The following TOP2B variants were observed in gnomAD, a reference collection of about 807,000 sequenced individuals.
The protein encoded by TOP2B is DNA topoisomerase 2-beta.
TOP2B carries 51 observed loss-of-function variants against 193.5 expected under a neutral mutation model. The observed-to-expected ratio is 0.26, with a 90% CI of 0.21 to 0.33. The LOEUF (loss-of-function observed/expected upper bound fraction) is 0.33, where lower values mean the gene tolerates loss of function less well. Among genes scored for constraint, TOP2B ranks in the 10% least tolerant of loss-of-function variants. The pLI, the probability that TOP2B is intolerant of heterozygous loss-of-function variation, is 1.00. For missense variants in TOP2B, 1,378 were observed against 1,909.3 expected, an observed-to-expected ratio of 0.72 and a Z score of 5.19; for synonymous variants, 634 against 635.7, an observed-to-expected ratio of 1.00 and a Z score of 0.04.
At chr3:25,615,165 A>T in intron 27 of TOP2B, 40 bp downstream of exon 27, 4 of 1,539,656 alleles carry the variant, frequency 2.6e-6, no homozygotes, top group Non-Finnish European at 3.6e-6. Context: ...GTTCATAAAC[A>T]TGACTTTTCC....
At chr3:25,627,132 G>T in intron 16 of TOP2B, 55 bp downstream of exon 16, 2 of 1,239,992 alleles carry the variant, frequency 1.6e-6, no homozygotes, top group African/African-American at 1.5e-5. Context: ...GGGAGGAAAG[G>T]AATAGAAGGT....
At chr3:25,613,670 A>G (rs768918682) in intron 27 of TOP2B, among the ~76,000 whole-genome samples, 3 of 151,948 alleles carry the variant, frequency 2.0e-5, no homozygotes, top group Non-Finnish European at 4.4e-5. Flanking sequence ...TGAGGCTGCA[A>G]TGAGCCATGA....
Position 25,633,956 on chromosome 3 carries a change from C to T in TOP2B, c.911G>A (p.Gly304Glu), listed in dbSNP as rs1391533191. ...CTCATGAATAACTTTCAGGGCCACC[C>T]CAGTTTCATCCAATTTGTCTTTCAC... ...LYVKDKLDETGVALKVIHELA... is the reference protein window; with the variant it reads ...LYVKDKLDETEVALKVIHELA... The change falls in exon 8 of 36, where the codon GGG (glycine) becomes GAG (glutamate). Residue 304 changes from glycine (G) to glutamate (E), a missense_variant. Coordinates refer to ENST00000264331, the MANE Select transcript of TOP2B (RefSeq NM_001330700.2). The T allele has an allele frequency of 6.2e-7, 1 of 1,612,814 alleles. No individual in the cohort carries two copies.
chr3:25,598,447 A>AATCCTG lies in TOP2B; in HGVS notation c.4735_4740dup (p.Gln1579_Asp1580dup), dbSNP rs756773097. 1.3e-6 allele frequency: 2 copies of AATCCTG among 1,598,318 alleles called. No homozygotes were observed. The highest frequency in any genetic ancestry group is 8.5e-7 in the Non-Finnish European group (1 of 1,175,226). The stretch of plus-strand genomic sequence containing the variant: ...TCTGAGGGGAAGATGTCCACATCTG[A>AATCCTG]ATCCTGATCAAAAGATGTCTTCTTC... On this transcript the variant is annotated inframe_insertion, in exon 36 of 36. Coordinates refer to ENST00000264331, the MANE Select transcript of TOP2B (RefSeq NM_001330700.2).
intron 1 of TOP2B, among the ~76,000 whole-genome samples, chr3:25,646,480 C>T (rs1407012996): frequency 6.6e-6 from 1 of 152,176 alleles, no homozygotes; most frequent in Non-Finnish European, 1.5e-5. Context: ...CTACAAATTT[C>T]CTTGTCTTCT....
Position 25,626,777 on chromosome 3 carries a change from G to A in TOP2B, c.2104C>T (p.Pro702Ser). 6.2e-7 allele frequency: 1 copy of A among 1,606,600 alleles called. No individual in the cohort carries two copies. The highest frequency in any genetic ancestry group is 1.1e-5 in the South Asian group (1 of 89,844). The change falls in exon 17 of 36, where the codon CCA becomes TCA. Residue 702 changes from proline (P) to serine (S), a missense_variant. Pro to Ser is a moderately conservative substitution (Grantham distance 74). This residue lies in a region of TOP2B where 379 missense variants were observed against 615.1 expected (regional missense o/e 0.62). Transcript: ENST00000264331. ...CACCACTCTTTAAGACTAACCTCTG[G>A]TAAGCCATGTAGCCTACGCTGTCTC... is the stretch of plus-strand genomic sequence containing the variant. ...DRRQRRLHGL[P>S]EQFLYGTATK...
At chr3:25,646,838 T>C (rs1236790212) in intron 1 of TOP2B, among the ~76,000 whole-genome samples, 1 of 152,182 alleles carries the variant, frequency 6.6e-6, no homozygotes, top group African/African-American at 2.4e-5. Flanking sequence ...GAATTTAATA[T>C]ATCCTCAGGA....
intron 2 of TOP2B, among the ~76,000 whole-genome samples, chr3:25,644,924 T>C (rs1703372282): frequency 6.6e-6 from 1 of 151,444 alleles, no homozygotes; most frequent in Non-Finnish European, 1.5e-5. Context: ...GGCTCCTGAG[T>C]AGCTGGGACT....
At position 25,643,053 on chromosome 3, in the gene TOP2B, T is replaced by C. The variant is rs114818076; in HGVS notation, c.331+641A>G. Among the ~76,000 whole-genome samples the C allele has an allele frequency of 4.3e-3, 653 of 152,248 alleles. 8 individuals are homozygous for C. The highest frequency in any genetic ancestry group is 0.015 in the African/African-American group (620 of 41,544). ...AATGCAACACAGTTTTAATCTCTTA[T>C]CTCTTCACCAAATACCAACAGAAGA... On this transcript the variant is annotated intron_variant, in intron 3 of 35. Transcript: ENST00000264331.
chr3:25,612,429 G>A (rs1702396536), intron 28 of TOP2B, 86 bp downstream of exon 28: 2 of 976,398 alleles, frequency 2.0e-6, no homozygotes, highest in Non-Finnish European at 2.9e-6. Flanking sequence ...AACAAAGCAT[G>A]ATTTAAACAC....
chr3:25,652,940 T>TA (rs1190669892), intron 1 of TOP2B, among the ~76,000 whole-genome samples: 10 of 151,862 alleles, frequency 6.6e-5, no homozygotes, highest in African/African-American at 1.2e-4. Flanking sequence ...ATCAAATAAC[T>TA]AAAATTAGAA....
chr3:25,611,682 C>T (rs905291758), intron 28 of TOP2B, among the ~76,000 whole-genome samples: 2 of 151,944 alleles, frequency 1.3e-5, no homozygotes, highest in African/African-American at 4.8e-5. Flanking sequence ...TAGGTCAACG[C>T]CATTTTTTTT....
Position 25,631,008 on chromosome 3 carries a change from C to T in TOP2B, c.1267-69G>A, listed in dbSNP as rs1457400609. On this transcript the variant is annotated intron_variant, in intron 10 of 35. Transcript: ENST00000264331. ...ATACATTTAGCTAAAATGTATAGGG[C>T]CTAATGCAAGACCTGGAATCTGTGC... 4 of 1,345,182 alleles carry T rather than the reference C, an allele frequency of 3.0e-6. 1 individual carries two copies. Among genetic ancestry groups the T allele is most frequent in the African/African-American group, 3.0e-5 (2 of 65,796 alleles). The allele number at this position is 1,345,182 out of a possible 1,614,324, so 83.3% of individuals were successfully genotyped here.
chr3:25,625,053 G>A (rs113211379), intron 18 of TOP2B: 64 of 290,662 alleles, frequency 2.2e-4, no homozygotes, highest in African/African-American at 1.3e-3. Flanking sequence ...ACTGCCAATT[G>A]AAAGACAACA....
intron 1 of TOP2B, among the ~76,000 whole-genome samples, chr3:25,647,489 T>C (rs904777932): frequency 5.9e-5 from 9 of 152,150 alleles, no homozygotes; most frequent in African/African-American, 2.2e-4. Flanking sequence ...AAAGCTTTCG[T>C]ATTCCAGGCT....
rs569155187 is a variant in TOP2B at position 25,628,987 on chromosome 3, G to T, written c.1801-35C>A. On this transcript the variant is annotated intron_variant, in intron 14 of 35. Coordinates refer to ENST00000264331, the MANE Select transcript of TOP2B (RefSeq NM_001330700.2). ...ATTAAAAAACAAAATTAGTTTTTCT[G>T]CTACCCTTTAAGACAACAATATAAA... is the stretch of plus-strand genomic sequence containing the variant. 3 of 1,577,960 alleles carry T rather than the reference G, an allele frequency of 1.9e-6. No individual in the cohort carries two copies. The African/African-American group carries it at 4.1e-5, about 22-fold the overall frequency.
Position 25,618,684 on chromosome 3 carries a change from A to T in TOP2B, c.3229T>A (p.Leu1077Ile). The change falls in exon 24 of 36, where the codon TTA (leucine) becomes ATA (isoleucine). Residue 1077 changes from leucine to isoleucine, a missense_variant. Leu to Ile is a conservative substitution (Grantham distance 5). Coordinates refer to ENST00000264331, the MANE Select transcript of TOP2B (RefSeq NM_001330700.2). The stretch of plus-strand genomic sequence containing the variant: ...GTAATTTTCCCTTGTATCTTCTCTA[A>T]AATGAAACGGGCTTGATTGTTAAGC... Reference protein sequence around the residue: ...TKLNNQARFILEKIQGKITIE... With the variant: ...TKLNNQARFIIEKIQGKITIE... 3 of 1,612,210 alleles carry T rather than the reference A, an allele frequency of 1.9e-6. No individual in the cohort carries two copies. Among genetic ancestry groups the T allele is most frequent in the Non-Finnish European group, 1.7e-6 (2 of 1,179,256 alleles).
chr3:25,640,927 T>C (rs1703243207), intron 4 of TOP2B, among the ~76,000 whole-genome samples: 1 of 151,778 alleles, frequency 6.6e-6, no homozygotes, highest in Admixed American at 6.6e-5. Flanking sequence ...GCCCAGATAA[T>C]TTTGGTGTTT....
intron 25 of TOP2B, 39 bp from the exon 26 acceptor site, chr3:25,615,625 A>T: frequency 7.3e-7 from 1 of 1,372,890 alleles, no homozygotes; most frequent in Non-Finnish European, 9.5e-7. Flanking sequence ...AGTCTTGTAT[A>T]GTATCAAATT....
Sources: allele counts gnomAD v4.1 joint callset (sites outside exome capture counted in the v4.1 genomes callset), GRCh38; gene constraint gnomAD v4.1.1; regional missense constraint gnomAD v4.1.1; transcripts MANE v1.5; gene names NCBI Gene and HGNC (gene_info 2026-07-23, HGNC 2026-07-21).